EXOC6: variants seen among roughly 807,000 people sequenced by gnomAD.
EXOC6 encodes SEC15-like 1.
Under a neutral mutation model 112.5 loss-of-function variants are expected in EXOC6, and 60 were observed. That is an observed-to-expected ratio of 0.53 (90% CI 0.43 to 0.66). The LOEUF is 0.66. Ranked by LOEUF, EXOC6 falls within the 30% of genes least tolerant of loss-of-function variation. EXOC6 has a pLI of 0.00. For missense variants in EXOC6, 855 were observed against 957.1 expected (o/e 0.89, Z 1.41); for synonymous variants, 295 against 308.0 (o/e 0.96, Z 0.44).
At chr10:93,009,694 ATGC>A (rs1844152310) in intron 19 of EXOC6, among the ~76,000 whole-genome samples, 1 of 152,206 alleles carries the variant, frequency 6.6e-6, no homozygotes, top group African/African-American at 2.4e-5. Flanking sequence ...AAGAGGAAGG[ATGC>A]TGTAGGCAGA....
At chr10:92,925,594 G>T (rs1176533790) in intron 8 of EXOC6, among the ~76,000 whole-genome samples, 1 of 152,010 alleles carries the variant, frequency 6.6e-6, no homozygotes, top group Non-Finnish European at 1.5e-5. Flanking sequence ...TGCACCTGGC[G>T]TTGGTGATAT....
intron 12 of EXOC6, among the ~76,000 whole-genome samples, chr10:92,937,084 A>C (rs1276903597): frequency 2.6e-5 from 4 of 152,212 alleles, no homozygotes; most frequent in Non-Finnish European, 5.9e-5. Flanking sequence ...TTCAGTATCA[A>C]AGTTTTGAGA....
intron 17 of EXOC6, among the ~76,000 whole-genome samples, chr10:92,957,717 T>C (rs1408022879): frequency 6.6e-6 from 1 of 152,206 alleles, no homozygotes; most frequent in Admixed American, 6.5e-5. Flanking sequence ...TTCTGTCTTT[T>C]GGTCTATTTC....
intron 18 of EXOC6, among the ~76,000 whole-genome samples, chr10:92,979,220 G>A (rs1842737921): frequency 1.3e-5 from 2 of 152,126 alleles, no homozygotes; most frequent in African/African-American, 4.8e-5. Flanking sequence ...GAGTGCACTG[G>A]TGCAATCTTG....
intron 14 of EXOC6, among the ~76,000 whole-genome samples, chr10:92,951,506 A>AC (rs1853410204): frequency 6.6e-6 from 1 of 152,168 alleles, no homozygotes; most frequent in Non-Finnish European, 1.5e-5. Flanking sequence ...AGCTGAAGAA[A>AC]CCACTGGATT....
intron 9 of EXOC6, among the ~76,000 whole-genome samples, chr10:92,933,648 AATG>A (rs1852183620): frequency 6.6e-6 from 1 of 152,236 alleles, no homozygotes; most frequent in Non-Finnish European, 1.5e-5. Context: ...ATGAAAGTCA[AATG>A]ATCAAATATT....
intron 13 of EXOC6, among the ~76,000 whole-genome samples, chr10:92,941,491 T>C (rs1589873836): frequency 6.6e-6 from 1 of 152,340 alleles, no homozygotes; most frequent in Admixed American, 6.5e-5. Flanking sequence ...CTTTAATTTT[T>C]TGAGGAACTA....
At chr10:92,949,593 G>GACA (rs1564855075) in intron 14 of EXOC6, among the ~76,000 whole-genome samples, 20 of 144,086 alleles carry the variant, frequency 1.4e-4, no homozygotes, top group African/African-American at 5.1e-4. Flanking sequence ...TCTGCTTGTG[G>GACA]CTTTTTTTTT....
intron 20 of EXOC6, among the ~76,000 whole-genome samples, chr10:93,028,418 G>C (rs1027199257): frequency 6.6e-6 from 1 of 152,220 alleles, no homozygotes; most frequent in Admixed American, 6.5e-5. Context: ...GCCTGAAAAT[G>C]TGATTGAGTT....
At chr10:92,928,867 T>G (rs1851868737) in intron 9 of EXOC6, among the ~76,000 whole-genome samples, 1 of 152,242 alleles carries the variant, frequency 6.6e-6, no homozygotes, top group African/African-American at 2.4e-5. Flanking sequence ...TTAGTAGATG[T>G]GTTTGTAAAA....
intron 5 of EXOC6, 180 bp downstream of exon 5, chr10:92,899,824 A>G: frequency 4.1e-6 from 2 of 491,100 alleles, no homozygotes; most frequent in Admixed American, 3.8e-5. Flanking sequence ...CCTTTTATTA[A>G]TAAATCATTG....
Position 92,940,906 on chromosome 10 carries a change from A to G in EXOC6, c.1310+82A>G, listed in dbSNP as rs1387912205. ...GGTTCATTTGCATATATTAATAAAA[A>G]TGCTTATAATCATTTTTATTGTAGT... On this transcript the variant is annotated intron_variant, in intron 13 of 21. Transcript: ENST00000260762. 4.5e-6 allele frequency: 4 copies of G among 879,306 alleles called. No individual in the cohort carries two copies. In the Admixed American group the frequency reaches 7.7e-5, roughly 17 times the overall value. The allele number at this position is 879,306 out of a possible 1,614,324, so 54.5% of individuals were successfully genotyped here.
intron 13 of EXOC6, among the ~76,000 whole-genome samples, chr10:92,944,060 G>C (rs1852829085): frequency 6.6e-6 from 1 of 152,030 alleles, no homozygotes; most frequent in South Asian, 2.1e-4. Flanking sequence ...GTTCATCCTT[G>C]TTGTTGCAAA....
intron 15 of EXOC6, among the ~76,000 whole-genome samples, chr10:92,954,229 A>G (rs1006309969): frequency 6.6e-6 from 1 of 152,196 alleles, no homozygotes; most frequent in South Asian, 2.1e-4. Flanking sequence ...ACAGTGAGCT[A>G]TAATTGCACC....
upstream of EXOC6, among the ~76,000 whole-genome samples, chr10:92,847,630 T>G (rs1397137644): frequency 6.6e-6 from 1 of 152,194 alleles, no homozygotes; most frequent in Non-Finnish European, 1.5e-5. Context: ...CATGACAAAC[T>G]GGTTTACTCA....
chr10:92,888,425 T>C (rs1849336177), intron 1 of EXOC6, among the ~76,000 whole-genome samples: 1 of 152,174 alleles, frequency 6.6e-6, no homozygotes, highest in Non-Finnish European at 1.5e-5. Context: ...TAAACTGAAA[T>C]AGACTTCTGG....
At chr10:92,872,665 T>C (rs868447627) in intron 1 of EXOC6, among the ~76,000 whole-genome samples, 5 of 152,140 alleles carry the variant, frequency 3.3e-5, no homozygotes, top group South Asian at 2.1e-4. Flanking sequence ...AATTTTTGGG[T>C]ATATAAATAT....
intron 20 of EXOC6, among the ~76,000 whole-genome samples, chr10:93,041,851 A>G (rs571506194): frequency 3.4e-4 from 52 of 152,300 alleles, no homozygotes; most frequent in Non-Finnish European, 6.2e-4. Context: ...AGCTGGGACT[A>G]CAGGCACATG....
At chr10:93,016,703 C>G (rs1844535387) in intron 20 of EXOC6, among the ~76,000 whole-genome samples, 1 of 152,042 alleles carries the variant, frequency 6.6e-6, no homozygotes, top group Admixed American at 6.6e-5. Flanking sequence ...ATATTGGATT[C>G]CTGAAATTCT....
Sources: allele counts gnomAD v4.1 joint callset (sites outside exome capture counted in the v4.1 genomes callset), GRCh38; gene constraint gnomAD v4.1.1; transcripts MANE v1.5; gene names NCBI Gene and HGNC (gene_info 2026-07-23, HGNC 2026-07-21).